ADGRE1: variants seen among roughly 807,000 people sequenced by gnomAD.
ADGRE1 encodes EGF-like module receptor 1.
Under a neutral mutation model 102.7 loss-of-function variants are expected in ADGRE1, and 82 were observed. That is an observed-to-expected ratio of 0.80 (90% CI 0.67 to 0.96). The LOEUF (loss-of-function observed/expected upper bound fraction) is 0.96, where lower values mean the gene tolerates loss of function less well. Ranked by LOEUF, ADGRE1 falls within the 40% of genes least tolerant of loss-of-function variation. The probability of loss-of-function intolerance (pLI) is 0.00; values close to 1 mark genes in which losing one functional copy is unlikely to be tolerated. For synonymous variants in ADGRE1, 398 were observed against 399.6 expected (o/e 1.00, Z 0.05); for missense variants, 1,032 against 1,085.3 (o/e 0.95, Z 0.69).
intron 1 of ADGRE1, among the ~76,000 whole-genome samples, chr19:6,889,597 G>C (rs1040125515): frequency 3.4e-5 from 5 of 147,038 alleles, no homozygotes; most frequent in African/African-American, 1.3e-4. Flanking sequence ...GCTGAGGCAG[G>C]AGAATAGCTT....
chr19:6,898,954 G>T (rs756249116), intron 5 of ADGRE1, among the ~76,000 whole-genome samples: 22 of 152,064 alleles, frequency 1.4e-4, no homozygotes, highest in Non-Finnish European at 2.1e-4. Flanking sequence ...TATCTTTTAA[G>T]TGTAGCATTA....
intron 11 of ADGRE1, among the ~76,000 whole-genome samples, chr19:6,914,317 C>G (rs1974301158): frequency 6.6e-6 from 1 of 152,102 alleles, no homozygotes; most frequent in South Asian, 2.1e-4. Context: ...TGCCTGGGTC[C>G]CAGAATAAAG....
intron 2 of ADGRE1, chr19:6,891,122 G>C (rs1000965532): frequency 1.3e-5 from 2 of 152,250 alleles, no homozygotes; most frequent in Non-Finnish European, 2.9e-5. Flanking sequence ...GAATCATGGG[G>C]GATGGTTTCC....
chr19:6,937,157 G>A, intron 18 of ADGRE1, 86 bp from the exon 19 acceptor site: 1 of 1,476,448 alleles, frequency 6.8e-7, no homozygotes, highest in Non-Finnish European at 9.2e-7. Flanking sequence ...TTGGAGAGTG[G>A]CCACCTCAGA....
At chr19:6,909,793 G>C (rs34518123) in intron 10 of ADGRE1, among the ~76,000 whole-genome samples, 95,687 of 152,002 alleles carry the variant, frequency 0.63, 31,952 homozygotes, top group Non-Finnish European at 0.75. Context: ...AGAGTGCAAT[G>C]GTGCGATCTT....
chr19:6,909,581 C>A (rs1974096088), intron 10 of ADGRE1, among the ~76,000 whole-genome samples: 1 of 86,144 alleles, frequency 1.2e-5, no homozygotes, highest in Admixed American at 1.2e-4. Context: ...TTCCTTCTTT[C>A]TTTTCCTTCC....
chr19:6,927,858 G>A (rs1446471985), intron 16 of ADGRE1, among the ~76,000 whole-genome samples: 3 of 152,090 alleles, frequency 2.0e-5, no homozygotes, highest in African/African-American at 4.8e-5. Context: ...AGGTGTACCA[G>A]TGGAGAGTTC....
intron 8 of ADGRE1, among the ~76,000 whole-genome samples, chr19:6,904,480 C>A (rs1453900338): frequency 6.6e-6 from 1 of 150,844 alleles, no homozygotes; most frequent in Non-Finnish European, 1.5e-5. Context: ...CACACACACC[C>A]AATTATTTAA....
intron 1 of ADGRE1, among the ~76,000 whole-genome samples, chr19:6,888,794 G>A (rs2144870412): frequency 6.6e-6 from 1 of 152,302 alleles, no homozygotes; most frequent in Middle Eastern, 3.4e-3. Flanking sequence ...GGGACTTGTT[G>A]ACTGGCAGGC....
chr19:6,888,625 C>T (rs569879224), intron 1 of ADGRE1, among the ~76,000 whole-genome samples: 2 of 152,198 alleles, frequency 1.3e-5, no homozygotes, highest in Non-Finnish European at 2.9e-5. Flanking sequence ...CAAGGCCACG[C>T]AATCATTAAT....
rs1049139706 is a variant in ADGRE1, at chr19:6,936,632, T to G, written c.2382-611T>G. ...TATCTAGTGGCAAATCCTTGTTTTT[T>G]TTTTTTTTTTGAGACAGAGTCTCTC... On this transcript the variant is annotated intron_variant, in intron 18 of 20. Coordinates refer to ENST00000312053, the MANE Select transcript of ADGRE1 (RefSeq NM_001974.5). 9.3e-5 allele frequency among the ~76,000 whole-genome samples: 14 copies of G among 151,092 alleles called. No individual in the cohort carries two copies. The South Asian group carries it at 1.0e-3, about 11-fold the overall frequency.
chr19:6,927,822 C>T (rs115152172), intron 16 of ADGRE1, among the ~76,000 whole-genome samples: 13 of 151,940 alleles, frequency 8.6e-5, no homozygotes, highest in Non-Finnish European at 1.3e-4. Context: ...ACCCCACGCC[C>T]GGCCTGAGCT....
At chr19:6,898,482 A>T (rs1973653543) in intron 5 of ADGRE1, 1 of 1,583,338 alleles carries the variant, frequency 6.3e-7, no homozygotes, top group Admixed American at 1.7e-5. Flanking sequence ...TCAGGTTCCC[A>T]GGGATGGGTC....
intron 20 of ADGRE1, among the ~76,000 whole-genome samples, chr19:6,937,897 A>G (rs919794077): frequency 2.0e-5 from 3 of 152,108 alleles, no homozygotes; most frequent in African/African-American, 7.2e-5. Flanking sequence ...TAACAGATTT[A>G]CATAGATACA....
At chr19:6,920,278 G>T (rs1974594474) in intron 13 of ADGRE1, among the ~76,000 whole-genome samples, 1 of 151,280 alleles carries the variant, frequency 6.6e-6, no homozygotes, top group African/African-American at 2.4e-5. Context: ...GGAGTGCAGT[G>T]GCACAATTTC....
At chr19:6,919,440 CTCTGTGTG>C (rs1974539279) in intron 12 of ADGRE1, 100 bp from the exon 13 acceptor site, 2 of 524,884 alleles carry the variant, frequency 3.8e-6, no homozygotes, top group Non-Finnish European at 6.2e-6. Flanking sequence ...CCCTCCCTCC[CTCTGTGTG>C]TGTGTGTGTG....
chr19:6,934,353 A>G (rs1323335971), intron 17 of ADGRE1, among the ~76,000 whole-genome samples: 1 of 151,736 alleles, frequency 6.6e-6, no homozygotes, highest in Non-Finnish European at 1.5e-5. Flanking sequence ...CAATTGCTGC[A>G]TGGATCATTC....
At chr19:6,889,899 C>T (rs1973295833) in intron 1 of ADGRE1, among the ~76,000 whole-genome samples, 1 of 151,796 alleles carries the variant, frequency 6.6e-6, no homozygotes. Flanking sequence ...AGAATGCATG[C>T]TTTAATGTAT....
At chr19:6,911,702 TAC>T (rs1039181274) in intron 10 of ADGRE1, among the ~76,000 whole-genome samples, 2 of 150,192 alleles carry the variant, frequency 1.3e-5, no homozygotes, top group East Asian at 2.0e-4. Flanking sequence ...TACACACGTG[TAC>T]ACACACATAT....
Sources: gnomAD v4.1 joint callset for allele counts (sites outside exome capture counted in the v4.1 genomes callset) on GRCh38, gnomAD v4.1.1 for gene constraint, MANE v1.5 for transcripts, NCBI Gene and HGNC (gene_info 2026-07-23, HGNC 2026-07-21) for gene names.